COL5A1: variants seen among roughly 807,000 people sequenced by gnomAD.
COL5A1 encodes collagen type V alpha 1 chain.
Under a neutral mutation model 263.7 loss-of-function variants are expected in COL5A1, and 16 were observed. The ratio of observed to expected loss-of-function variants is 0.06; its 90% CI spans 0.04 to 0.09. The LOEUF (loss-of-function observed/expected upper bound fraction) is 0.09. Ranked by LOEUF, COL5A1 falls within the 10% of genes least tolerant of loss-of-function variation. The pLI is 1.00. For synonymous variants in COL5A1, 1,012 were observed against 1,004.5 expected, an observed-to-expected ratio of 1.01 and a Z score of -0.14; for missense variants, 2,036 against 2,540.5, an observed-to-expected ratio of 0.80 and a Z score of 4.27.
At chr9:134,787,140 G>A (rs989040208) in intron 31 of COL5A1, among the ~76,000 whole-genome samples, 2 of 152,206 alleles carry the variant, frequency 1.3e-5, no homozygotes, top group Non-Finnish European at 2.9e-5. Flanking sequence ...GGGGCTGATG[G>A]GCACTTTTCC....
chr9:134,793,291 C>T (rs1024407754), intron 32 of COL5A1, among the ~76,000 whole-genome samples: 8 of 152,084 alleles, frequency 5.3e-5, no homozygotes, highest in African/African-American at 1.2e-4. Context: ...GGCTTCCCAG[C>T]ATGGCCATTG....
chr9:134,709,157 C>T (rs932307443), intron 4 of COL5A1: 1 of 356,220 alleles, frequency 2.8e-6, no homozygotes, highest in Non-Finnish European at 5.6e-6. Context: ...GGCCATGATT[C>T]AGCCACTTCC....
At chr9:134,698,092 C>G (rs922668598) in intron 2 of COL5A1, among the ~76,000 whole-genome samples, 2 of 152,150 alleles carry the variant, frequency 1.3e-5, no homozygotes, top group African/African-American at 4.8e-5. Flanking sequence ...TCAAAAAAAC[C>G]CCACAAAAAA....
At chr9:134,666,885 T>A (rs1382612597) in intron 1 of COL5A1, among the ~76,000 whole-genome samples, 9 of 152,190 alleles carry the variant, frequency 5.9e-5, no homozygotes, top group Admixed American at 5.9e-4. Flanking sequence ...ACTATTTTCT[T>A]CTTTCACGGT....
intron 1 of COL5A1, among the ~76,000 whole-genome samples, chr9:134,679,861 C>T (rs1832803442): frequency 6.6e-6 from 1 of 152,004 alleles, no homozygotes; most frequent in Admixed American, 6.5e-5. Context: ...CAATATGTCC[C>T]TCTTACAGAT....
At chr9:134,702,765 C>G (rs769747872) in intron 4 of COL5A1, among the ~76,000 whole-genome samples, 1 of 152,184 alleles carries the variant, frequency 6.6e-6, no homozygotes, top group Non-Finnish European at 1.5e-5. Context: ...GGCAAGCCCA[C>G]CTGGGCTCTG....
intron 37 of COL5A1, among the ~76,000 whole-genome samples, chr9:134,800,117 G>A (rs1588563690): frequency 1.3e-5 from 2 of 152,300 alleles, no homozygotes; most frequent in East Asian, 1.9e-4. Context: ...AAACACCAAC[G>A]GTCATTATTT....
chr9:134,658,974 A>C (rs1284603740), intron 1 of COL5A1, among the ~76,000 whole-genome samples: 2 of 152,330 alleles, frequency 1.3e-5, no homozygotes. Flanking sequence ...ACCTGACCCC[A>C]AGTGCCTTCA....
intron 64 of COL5A1, among the ~76,000 whole-genome samples, chr9:134,834,146 C>G (rs1839759883): frequency 6.6e-6 from 1 of 152,178 alleles, no homozygotes; most frequent in African/African-American, 2.4e-5. Flanking sequence ...CTAAGACCTC[C>G]TCCTCTCACC....
intron 64 of COL5A1, chr9:134,832,827 G>A (rs1018725169): frequency 6.6e-6 from 1 of 152,250 alleles, no homozygotes; most frequent in Non-Finnish European, 1.5e-5. Context: ...CCTCGCCCCT[G>A]GGAAGGCCCA....
intron 25 of COL5A1, among the ~76,000 whole-genome samples, chr9:134,772,269 A>G (rs1342694333): frequency 6.6e-6 from 1 of 152,210 alleles, no homozygotes; most frequent in Non-Finnish European, 1.5e-5. Context: ...ACAATCAGAG[A>G]TTCCAAGGTT....
intron 5 of COL5A1, among the ~76,000 whole-genome samples, 169 bp downstream of exon 5, chr9:134,727,566 G>A (rs1014909899): frequency 1.3e-5 from 2 of 152,198 alleles, no homozygotes; most frequent in Non-Finnish European, 2.9e-5. Context: ...TTACTAAATA[G>A]CACTGCCCAG....
chr9:134,690,998 C>A lies in COL5A1; in HGVS notation c.196C>A (p.Arg66=). The change falls in exon 2 of 66, where the codon CGA becomes AGA. Residue 66 remains arginine, a synonymous_variant. Transcript: ENST00000371817. The part of the protein sequence containing the change: ...TKTTGFCATR[R]SSKGPDVAYR... ...GACAACAGGCTTTTGCGCCACGCGG[C>A]GATCTTCCAAAGGCCCGGATGTCGC... The A allele has an allele frequency of 6.2e-7, 1 of 1,613,856 alleles. No individual in the cohort carries two copies. The highest frequency in any genetic ancestry group is 8.5e-7 in the Non-Finnish European group (1 of 1,180,054).
Position 134,817,800 on chromosome 9 carries a change from C to T in COL5A1, c.4199C>T (p.Pro1400Leu). 6.2e-7 allele frequency: 1 copy of T among 1,612,036 alleles called. No individual in the cohort carries two copies. Among genetic ancestry groups the T allele is most frequent in the Non-Finnish European group, 8.5e-7 (1 of 1,179,086 alleles). ...GKRGPPGPAG[P>L]EGRQGEKGAK... ...CAGGGTCCCCCAGGCCCCGCAGGCC[C>T]CGAAGGCAGACAGGGAGAGAAAGGG... Residue 1400 changes from proline (P) to leucine (L), a missense_variant, in exon 54 of 66, where the codon CCC becomes CTC. This residue lies in a region of COL5A1 where 1,078 missense variants were observed against 1,521.4 expected (regional missense o/e 0.71). Coordinates refer to ENST00000371817, the MANE Select transcript of COL5A1 (RefSeq NM_000093.5).
intron 11 of COL5A1, among the ~76,000 whole-genome samples, chr9:134,747,640 C>T (rs1040572443): frequency 4.6e-5 from 7 of 152,116 alleles, no homozygotes; most frequent in African/African-American, 1.7e-4. Context: ...TGCACACATG[C>T]ATTCATACAC....
chr9:134,778,850 C>A (rs1474778574), intron 27 of COL5A1, among the ~76,000 whole-genome samples: 1 of 152,256 alleles, frequency 6.6e-6, no homozygotes, highest in Non-Finnish European at 1.5e-5. Flanking sequence ...CACGCCGCTG[C>A]CCTGTCTGCG....
chr9:134,728,309 G>C (rs1834732417), intron 5 of COL5A1, among the ~76,000 whole-genome samples: 2 of 152,250 alleles, frequency 1.3e-5, no homozygotes, highest in South Asian at 4.1e-4. Context: ...GCTTGGGGCT[G>C]AAGGCCCGGG....
chr9:134,828,994 A>ACG (rs1839451542), intron 63 of COL5A1, among the ~76,000 whole-genome samples: 1 of 151,148 alleles, frequency 6.6e-6, no homozygotes, highest in South Asian at 2.1e-4. Flanking sequence ...CACACCATGC[A>ACG]CGCGCACACA....
intron 50 of COL5A1, among the ~76,000 whole-genome samples, chr9:134,815,351 A>C (rs1838703322): frequency 6.6e-6 from 1 of 152,248 alleles, no homozygotes; most frequent in African/African-American, 2.4e-5. Context: ...GCAAGAGACC[A>C]GCTGACCCCT....
Sources: allele counts gnomAD v4.1 joint callset (sites outside exome capture counted in the v4.1 genomes callset), GRCh38; gene constraint gnomAD v4.1.1; regional missense constraint gnomAD v4.1.1; transcripts MANE v1.5; gene names NCBI Gene and HGNC (gene_info 2026-07-23, HGNC 2026-07-21).